Variants in PRKN observed in about 807,000 individuals in gnomAD.
PRKN encodes E3 ubiquitin-protein ligase parkin.
In PRKN, 56 loss-of-function variants were observed where a neutral mutation model predicts 59.5. The observed-to-expected ratio is 0.94, with a 90% CI of 0.76 to 1.18. The LOEUF (loss-of-function observed/expected upper bound fraction) is 1.18, where lower values mean the gene tolerates loss of function less well. Among genes scored for constraint, PRKN ranks in the 50% most tolerant of loss-of-function variants. The pLI, the probability that PRKN is intolerant of heterozygous loss-of-function variation, is 0.00. For missense variants in PRKN, 657 were observed against 596.4 expected (o/e 1.10, Z -1.06); for synonymous variants, 250 against 222.1 (o/e 1.13, Z -1.12).
intron 1 of PRKN, chr6:162,569,104 G>A (rs1174459097): frequency 4.1e-5 from 27 of 658,670 alleles, no homozygotes; most frequent in East Asian, 2.7e-5. Context: ...AGGTCAAGGC[G>A]TAGTATGAGG....
chr6:161,405,319 T>G lies in PRKN; in HGVS notation c.1084-18442A>C, dbSNP rs1787215070. On this transcript the variant is annotated intron_variant, in intron 9 of 11. Coordinates refer to ENST00000366898, the MANE Select transcript of PRKN (RefSeq NM_004562.3). This position sits in a 1 kb window ranked among gnomAD's most constrained non-coding sequence, Gnocchi z 5.1. ...CTGACTGGGCATGGTGGCTCATGCC[T>G]GTAATCTCAGCACTTTGGGAGGCTG... Among the ~76,000 whole-genome samples the G allele has an allele frequency of 6.6e-6, 1 of 152,140 alleles. No individual in the cohort carries two copies. The highest frequency in any genetic ancestry group is 2.4e-5 in the African/African-American group (1 of 41,414).
intron 6 of PRKN, among the ~76,000 whole-genome samples, chr6:161,929,239 A>C (rs1459468840): frequency 6.6e-6 from 1 of 152,220 alleles, no homozygotes; most frequent in African/African-American, 2.4e-5. Context: ...ATATAATACG[A>C]TTCCTTTTAT....
chr6:162,234,224 C>T (rs1778544986), intron 3 of PRKN, among the ~76,000 whole-genome samples: 1 of 152,132 alleles, frequency 6.6e-6, no homozygotes, highest in Non-Finnish European at 1.5e-5. Flanking sequence ...GAGAATGCCC[C>T]TGGCATCATG....
chr6:162,299,159 C>G (rs1177006633), intron 2 of PRKN, among the ~76,000 whole-genome samples: 1 of 152,228 alleles, frequency 6.6e-6, no homozygotes, highest in African/African-American at 2.4e-5. Flanking sequence ...CCAACCTTAA[C>G]AGCGAAGACG....
chr6:161,939,869 G>C (rs938583957), intron 6 of PRKN, among the ~76,000 whole-genome samples: 1 of 151,870 alleles, frequency 6.6e-6, no homozygotes, highest in African/African-American at 2.4e-5. Context: ...AGTTTTCTTA[G>C]GGGTAAAATT....
chr6:162,066,986 T>G (rs975962293), intron 4 of PRKN, among the ~76,000 whole-genome samples: 1 of 152,184 alleles, frequency 6.6e-6, no homozygotes, highest in African/African-American at 2.4e-5. Flanking sequence ...CTTGCCTGAC[T>G]GGCCATGTAA....
chr6:161,603,482 T>C (rs1270338390), intron 7 of PRKN, among the ~76,000 whole-genome samples: 1 of 152,232 alleles, frequency 6.6e-6, no homozygotes, highest in Non-Finnish European at 1.5e-5. Flanking sequence ...CTCTGACCAC[T>C]TGTGGCTAGA....
chr6:161,601,888 G>A (rs1490351656), intron 7 of PRKN, among the ~76,000 whole-genome samples: 2 of 151,974 alleles, frequency 1.3e-5, no homozygotes, highest in East Asian at 3.9e-4. Flanking sequence ...GGCATATAGT[G>A]GATTTTAAGT....
In PRKN at chr6:162,367,307, C is replaced by G. The variant is rs139083356; in HGVS notation, c.171+76003G>C. ...TTAAACCTCTTTCCTTTATTAATTACACAGTTTTGGGCAGTCCTTTAGAGC... is the reference window on the plus strand; with the variant it reads ...TTAAACCTCTTTCCTTTATTAATTAGACAGTTTTGGGCAGTCCTTTAGAGC... On this transcript the variant is annotated intron_variant, in intron 2 of 11. Transcript: ENST00000366898. Among the ~76,000 whole-genome samples the G allele has an allele frequency of 8.0e-3, 1,218 of 152,254 alleles. 18 individuals carry two copies. The highest frequency in any genetic ancestry group is 0.027 in the African/African-American group (1,135 of 41,552).
chr6:162,017,004 G>A (rs1043468934), intron 5 of PRKN, among the ~76,000 whole-genome samples: 13 of 152,066 alleles, frequency 8.5e-5, no homozygotes, highest in Admixed American at 5.9e-4. Context: ...TCAAACATCC[G>A]CCTCTCTCCC....
At position 161,610,870 on chromosome 6, in the gene PRKN, G is replaced by C. The variant is rs370634162; in HGVS notation, c.872-41454C>G. 3.5e-4 allele frequency among the ~76,000 whole-genome samples: 53 copies of C among 152,324 alleles called. No homozygotes were observed. The East Asian group carries it at 7.9e-3, about 23-fold the overall frequency. The stretch of plus-strand genomic sequence containing the variant: ...CACGTGGCCAGAGGTTGTGATAGGA[G>C]AGGGGTGGTCACAAGGTGTCACCGA... On this transcript the variant is annotated intron_variant, in intron 7 of 11. Transcript: ENST00000366898.
rs577176659 is a variant in PRKN, at chr6:161,402,943, G to A, written c.1084-16066C>T. ...CACAATTCCCTGGGAGGGGATTCAC[G>A]ACAACTGAGATCCATCAATTGTATT... On this transcript the variant is annotated intron_variant, in intron 9 of 11. Coordinates refer to ENST00000366898, the MANE Select transcript of PRKN (RefSeq NM_004562.3). This position sits in a 1 kb window ranked among gnomAD's most constrained non-coding sequence, Gnocchi z 4.5. Among the ~76,000 whole-genome samples, 5 of 152,042 alleles carry A rather than the reference G, an allele frequency of 3.3e-5. No individual in the cohort carries two copies. The highest frequency in any genetic ancestry group is 1.9e-4 in the East Asian group (1 of 5,176).
intron 7 of PRKN, chr6:161,716,059 G>C (rs1185345357): frequency 7.7e-7 from 1 of 1,292,956 alleles, no homozygotes; most frequent in Non-Finnish European, 1.0e-6. Flanking sequence ...ACCATGCTGT[G>C]CTGGGCCCAT....
chr6:161,743,288 C>G (rs1314426057), intron 7 of PRKN, among the ~76,000 whole-genome samples: 1 of 135,108 alleles, frequency 7.4e-6, no homozygotes, highest in Non-Finnish European at 1.5e-5. Context: ...GGTGCAATCT[C>G]GGCTCACTGC....
In PRKN at chr6:161,455,818, G is replaced by A. The variant is rs937939728; in HGVS notation, c.1084-68941C>T. Among the ~76,000 whole-genome samples the A allele has an allele frequency of 7.4e-5, 11 of 147,824 alleles. No individual in the cohort carries two copies. The East Asian group carries it at 1.2e-3, about 16-fold the overall frequency. ...GCGGAGGTTGTGGTGAGCTGAGATC[G>A]CGCCACTGCACTCCAGCCTGGCGAC... is the stretch of plus-strand genomic sequence containing the variant. On this transcript the variant is annotated intron_variant, in intron 9 of 11. Transcript: ENST00000366898.
chr6:162,257,826 T>C (rs1404130096), intron 3 of PRKN, among the ~76,000 whole-genome samples: 1 of 152,084 alleles, frequency 6.6e-6, no homozygotes, highest in Admixed American at 6.5e-5. Flanking sequence ...TGCAGTTCCT[T>C]CACAAGCAGC....
At chr6:162,250,206 A>C (rs1779373620) in intron 3 of PRKN, among the ~76,000 whole-genome samples, 1 of 151,792 alleles carries the variant, frequency 6.6e-6, no homozygotes, top group Non-Finnish European at 1.5e-5. Context: ...CAGGGAATGG[A>C]GTGTAAAAAA....
intron 2 of PRKN, among the ~76,000 whole-genome samples, chr6:162,370,554 T>C (rs1312935186): frequency 6.6e-6 from 1 of 152,136 alleles, no homozygotes; most frequent in African/African-American, 2.4e-5. Flanking sequence ...GTTACTTTAA[T>C]TGGAGGGGTG....
At chr6:162,612,686 C>A (rs1782246802) in intron 1 of PRKN, among the ~76,000 whole-genome samples, 2 of 151,640 alleles carry the variant, frequency 1.3e-5, no homozygotes, top group Admixed American at 6.6e-5. Flanking sequence ...AGCATAAGTT[C>A]TTCCAGGATG....
Sources: allele counts gnomAD v4.1 joint callset (sites outside exome capture counted in the v4.1 genomes callset), GRCh38; gene constraint gnomAD v4.1.1; non-coding constraint Gnocchi (gnomAD v3.1); transcripts MANE v1.5; gene names NCBI Gene and HGNC (gene_info 2026-07-23, HGNC 2026-07-21).